DPF2: variants seen among roughly 807,000 people sequenced by gnomAD.
DPF2 encodes the protein zinc finger protein ubi-d4.
A neutral mutation model predicts 59.6 loss-of-function variants in DPF2; 10 were observed. The observed-to-expected ratio is 0.17, with a 90% CI of 0.10 to 0.28. The LOEUF (loss-of-function observed/expected upper bound fraction) is 0.28. Among genes scored for constraint, DPF2 ranks in the 10% least tolerant of loss-of-function variants. DPF2 has a pLI of 1.00. For synonymous variants in DPF2, 189 were observed against 190.6 expected (o/e 0.99, Z 0.07); for missense variants, 315 against 509.4 (o/e 0.62, Z 3.67).
At chr11:65,343,935 C>CT (rs1854454568) in intron 5 of DPF2, 56 bp from the exon 6 acceptor site, 12 of 1,611,240 alleles carry the variant, frequency 7.4e-6, no homozygotes, top group East Asian at 2.2e-5. Flanking sequence ...CCAAAAGAGT[C>CT]TAACTCCTCA....
At position 65,353,417 on chromosome 11, in the gene DPF2, A is replaced by G. The variant is rs960042220; in HGVS notation, c.*1658A>G. Reference sequence around the variant, plus strand: ...AATTAATAAGCAAACTAATGACATCACCATGGGACACACACAAAAGTTCTT... The same window carrying G: ...AATTAATAAGCAAACTAATGACATCGCCATGGGACACACACAAAAGTTCTT... On this transcript the variant is annotated 3_prime_UTR_variant, in exon 11 of 11. Transcript: ENST00000528416. 4.6e-5 allele frequency among the ~76,000 whole-genome samples: 7 copies of G among 152,238 alleles called. No individual in the cohort carries two copies. Among genetic ancestry groups the G allele is most frequent in the Non-Finnish European group, 1.0e-4 (7 of 68,044 alleles).
chr11:65,334,065 C>A, intron 1 of DPF2, 147 bp downstream of exon 1: 1 of 1,188,160 alleles, frequency 8.4e-7, no homozygotes, highest in Non-Finnish European at 1.2e-6. Context: ...CAACAGGAGA[C>A]TCCGGAGAAG....
At chr11:65,336,853 G>A (rs1444950084) in intron 1 of DPF2, among the ~76,000 whole-genome samples, 4 of 151,276 alleles carry the variant, frequency 2.6e-5, no homozygotes, top group Non-Finnish European at 4.4e-5. Flanking sequence ...CACTTTGGGA[G>A]GCTGAGGCGG....
intron 3 of DPF2, 100 bp downstream of exon 3, chr11:65,341,173 C>T (rs1367348625): frequency 9.7e-6 from 13 of 1,339,964 alleles, no homozygotes; most frequent in Non-Finnish European, 1.4e-5. Context: ...CCCAAATATA[C>T]TCAAATGAAT....
Position 65,337,496 on chromosome 11 carries a change from TATATATATAGAGAGAG to T in DPF2, c.33-2887_33-2872del, listed in dbSNP as rs530692821. On this transcript the variant is annotated intron_variant, in intron 1 of 10. Transcript: ENST00000528416. The stretch of plus-strand genomic sequence containing the variant: ...AAAAATATATATATATATATATATA[TATATATATAGAGAGAG>T]AGAGAGAGAGAGAGAGAGAGAGAGA... Among the ~76,000 whole-genome samples the T allele has an allele frequency of 3.3e-3, 191 of 57,208 alleles. 1 individual carries two copies. Among genetic ancestry groups the T allele is most frequent in the East Asian group, 5.1e-3 (8 of 1,574 alleles). 37.5% of individuals were successfully genotyped at this position (57,208 alleles called of 152,430 possible). A position where few individuals can be genotyped will look rare whatever the true frequency, so the allele number is the denominator to read the frequency against.
rs1235687688 is a variant in DPF2, at chr11:65,353,986, G to A, written c.*2227G>A. Among the ~76,000 whole-genome samples the A allele has an allele frequency of 6.6e-6, 1 of 152,190 alleles. No individual in the cohort carries two copies. Among genetic ancestry groups the A allele is most frequent in the African/African-American group, 2.4e-5 (1 of 41,442 alleles). ...GGCCTAGGTGAGGAAATTTAGGAAG[G>A]GTTTGCGGGAGGTAGGATTTGAGAT... On this transcript the variant is annotated 3_prime_UTR_variant, in exon 11 of 11. Coordinates refer to ENST00000528416, the MANE Select transcript of DPF2 (RefSeq NM_006268.5).
intron 4 of DPF2, chr11:65,341,825 A>C: frequency 3.2e-6 from 1 of 315,780 alleles, no homozygotes; most frequent in Non-Finnish European, 5.8e-6. Context: ...AAAAATTAAA[A>C]TAGGCCAGAT....
chr11:65,348,012 A>G (rs565283580), intron 9 of DPF2: 3 of 152,418 alleles, frequency 2.0e-5, no homozygotes, highest in African/African-American at 4.8e-5. Flanking sequence ...AGGGACAAGG[A>G]TGGAGGCTCA....
chr11:65,338,426 C>T (rs1854270207), intron 1 of DPF2, among the ~76,000 whole-genome samples: 1 of 152,244 alleles, frequency 6.6e-6, no homozygotes, highest in Admixed American at 6.5e-5. Flanking sequence ...AAACTGTTTC[C>T]AGCCTCCTTG....
chr11:65,348,265 A>AC (rs1299088127), intron 9 of DPF2: 1 of 152,448 alleles, frequency 6.6e-6, no homozygotes, highest in Non-Finnish European at 1.5e-5. Context: ...AGCCTGGGCA[A>AC]CAAAGCAAGA....
At chr11:65,337,510 G>GAA (rs1854225351) in intron 1 of DPF2, among the ~76,000 whole-genome samples, 1 of 94,114 alleles carries the variant, frequency 1.1e-5, no homozygotes, top group Non-Finnish European at 2.0e-5. Flanking sequence ...TATATAGAGA[G>GAA]AGAGAGAGAG....
intron 1 of DPF2, among the ~76,000 whole-genome samples, chr11:65,337,522 GA>G (rs1854226464): frequency 7.4e-6 from 1 of 135,106 alleles, no homozygotes; most frequent in Non-Finnish European, 1.6e-5. Flanking sequence ...GAGAGAGAGA[GA>G]GAGAGAGAGA....
chr11:65,337,472 AAAATATATATATATAT>A (rs1381625363), intron 1 of DPF2, among the ~76,000 whole-genome samples: 8 of 50,712 alleles, frequency 1.6e-4, no homozygotes, highest in African/African-American at 6.1e-4. Flanking sequence ...AAAAAAAAAA[AAAATATATATATATAT>A]ATATATATAT....
intron 5 of DPF2, 27 bp downstream of exon 5, chr11:65,343,864 C>T: frequency 6.3e-7 from 1 of 1,583,258 alleles, no homozygotes; most frequent in Non-Finnish European, 8.6e-7. Flanking sequence ...CTGCCTGCAT[C>T]TTGGGACAGG....
rs1590939177 is a variant in DPF2 at position 65,349,053 on chromosome 11, G to T, written c.1099+122G>T. On this transcript the variant is annotated intron_variant, in intron 10 of 10. Coordinates refer to ENST00000528416, the MANE Select transcript of DPF2 (RefSeq NM_006268.5). Reference sequence around the variant, plus strand: ...TCCAAATTAGGGAGTAAAGCACCTTGCCTTGGCTCAGTTTAGAATGCCTTC... The same window carrying T: ...TCCAAATTAGGGAGTAAAGCACCTTTCCTTGGCTCAGTTTAGAATGCCTTC... 5.4e-6 allele frequency: 6 copies of T among 1,119,108 alleles called. No homozygotes were observed. In the East Asian group the frequency reaches 1.5e-4, roughly 28 times the overall value. 69.3% of individuals were successfully genotyped at this position (1,119,108 alleles called of 1,614,324 possible).
At chr11:65,340,902 A>T (rs1854347818) in intron 2 of DPF2, 64 bp from the exon 3 acceptor site, 1 of 1,495,056 alleles carries the variant, frequency 6.7e-7, no homozygotes, top group Non-Finnish European at 9.1e-7. Flanking sequence ...TTAATTAGAA[A>T]GTGTTTGGTA....
chr11:65,339,162 A>AC (rs1229011191), intron 1 of DPF2, among the ~76,000 whole-genome samples: 1 of 151,976 alleles, frequency 6.6e-6, no homozygotes, highest in African/African-American at 2.4e-5. Flanking sequence ...ATTCCCAGAT[A>AC]CTTGGGAGGC....
At chr11:65,351,314 A>G (rs1463477757) in intron 10 of DPF2, among the ~76,000 whole-genome samples, 3 of 152,222 alleles carry the variant, frequency 2.0e-5, no homozygotes, top group African/African-American at 7.2e-5. Flanking sequence ...AGGGACAATT[A>G]TTTTGTGTTT....
At chr11:65,339,657 G>C (rs1194919773) in intron 1 of DPF2, among the ~76,000 whole-genome samples, 1 of 152,120 alleles carries the variant, frequency 6.6e-6, no homozygotes, top group East Asian at 1.9e-4. Flanking sequence ...ATATAAAAAG[G>C]CATATGGAAG....
Sources: allele counts gnomAD v4.1 joint callset (sites outside exome capture counted in the v4.1 genomes callset), GRCh38; gene constraint gnomAD v4.1.1; transcripts MANE v1.5; gene names NCBI Gene and HGNC (gene_info 2026-07-23, HGNC 2026-07-21).